Variants in EXD1 observed in about 807,000 individuals in gnomAD.
The protein encoded by EXD1 is piRNA biogenesis protein EXD1.
Under a neutral mutation model 49.1 loss-of-function variants are expected in EXD1, and 63 were observed. The observed-to-expected ratio is 1.28, with a 90% CI of 1.05 to 1.58. The LOEUF (loss-of-function observed/expected upper bound fraction) is 1.58, where lower values mean the gene tolerates loss of function less well. Among genes scored for constraint, EXD1 ranks in the 40% most tolerant of loss-of-function variants. The pLI is 0.00. For missense variants in EXD1, 748 were observed against 666.0 expected, an observed-to-expected ratio of 1.12 and a Z score of -1.36; for synonymous variants, 234 against 239.2, an observed-to-expected ratio of 0.98 and a Z score of 0.20.
At chr15:41,226,299 G>C in intron 2 of EXD1, 144 bp downstream of exon 2, 2 of 801,330 alleles carry the variant, frequency 2.5e-6, no homozygotes, top group South Asian at 3.8e-5. Context: ...ACATTGTTCT[G>C]TTTGGGAAAA....
chr15:41,207,615 T>A (rs1266101779), intron 7 of EXD1, among the ~76,000 whole-genome samples: 4 of 151,752 alleles, frequency 2.6e-5, no homozygotes, highest in African/African-American at 9.7e-5. Flanking sequence ...TCTCTTAAAT[T>A]TGATTTTTTT....
intron 2 of EXD1, 39 bp downstream of exon 2, chr15:41,226,404 C>A: frequency 6.6e-7 from 1 of 1,524,304 alleles, no homozygotes; most frequent in Non-Finnish European, 8.8e-7. Context: ...AATCACTAAT[C>A]TCTTAAAAGG....
intron 6 of EXD1, among the ~76,000 whole-genome samples, chr15:41,210,545 C>A (rs2046906086): frequency 2.0e-5 from 3 of 152,052 alleles, no homozygotes; most frequent in Admixed American, 6.6e-5. Context: ...ATTATCCAGG[C>A]ATGGTGGTGC....
rs1034378251 is a variant in EXD1 at position 41,219,818 on chromosome 15, T to C, written c.202+12A>G. 6.5e-6 allele frequency: 10 copies of C among 1,533,104 alleles called. No individual in the cohort carries two copies. The South Asian group carries it at 1.1e-4, about 16-fold the overall frequency. 95.0% of individuals were successfully genotyped at this position (1,533,104 alleles called of 1,614,324 possible). A position where few individuals can be genotyped will look rare whatever the true frequency, so the allele number is the denominator to read the frequency against. On this transcript the variant is annotated intron_variant, in intron 3 of 11. Transcript: ENST00000458580. ...TCAGTACTAGCATTTTCAAGGAACATGGGGGTCTCACCATTCACAATCTCA... is the reference window on the plus strand; with the variant it reads ...TCAGTACTAGCATTTTCAAGGAACACGGGGGTCTCACCATTCACAATCTCA...
intron 6 of EXD1, among the ~76,000 whole-genome samples, chr15:41,212,875 C>T (rs1176647161): frequency 6.6e-6 from 1 of 151,906 alleles, no homozygotes; most frequent in Non-Finnish European, 1.5e-5. Flanking sequence ...GTTGTCTCTA[C>T]AAAAAATATA....
chr15:41,220,841 A>G (rs2047077413), intron 2 of EXD1, among the ~76,000 whole-genome samples: 1 of 152,140 alleles, frequency 6.6e-6, no homozygotes, highest in African/African-American at 2.4e-5. Context: ...CCAACAACTT[A>G]TTTGTCACAT....
In EXD1 at chr15:41,230,474, C is replaced by T. The variant is rs376488821; in HGVS notation, c.-54+5G>A. 19 of 1,612,510 alleles carry T rather than the reference C, an allele frequency of 1.2e-5. No individual in the cohort carries two copies. In the African/African-American group the frequency reaches 2.1e-4, roughly 18 times the overall value. On this transcript the variant is annotated splice_donor_5th_base_variant and intron_variant, in intron 1 of 11. Coordinates refer to ENST00000458580, the MANE Select transcript of EXD1 (RefSeq NM_001286441.2). Reference sequence around the variant, plus strand: ...AAAATAAGGAACTTCAAATAAATGGCGGACCATAAGCTAGGAATTCACTGT... The same window carrying T: ...AAAATAAGGAACTTCAAATAAATGGTGGACCATAAGCTAGGAATTCACTGT...
intron 7 of EXD1, among the ~76,000 whole-genome samples, chr15:41,198,335 G>A (rs984361246): frequency 2.9e-4 from 44 of 152,152 alleles, no homozygotes; most frequent in African/African-American, 1.0e-3. Context: ...TGAAGGGTAA[G>A]TTGATCACGA....
rs2046373516 is a variant in EXD1, at chr15:41,184,474, C to T, written c.1176G>A (p.Val392=). 1.2e-6 allele frequency: 2 copies of T among 1,614,074 alleles called. No individual in the cohort carries two copies. Among genetic ancestry groups the T allele is most frequent in the African/African-American group, 2.7e-5 (2 of 74,926 alleles). ...CTGTCACTAATTTCTTTGGCTGTAG[C>T]ACTGTCCTTATCAGGAGTCCCTGTG... ...VNAQGLLIRT[V]LQPKKLVTET... is the part of the protein sequence containing the mutation. Residue 392 remains valine (V), a synonymous_variant, in exon 12 of 12, where the codon GTG becomes GTA. Coordinates refer to ENST00000458580, the MANE Select transcript of EXD1 (RefSeq NM_001286441.2).
Position 41,199,728 on chromosome 15 carries a change from ATGATATATATG to A in EXD1, c.535-3702_535-3692del, listed in dbSNP as rs2046683199. ...ATATCATATATATGATATATTATATATGATATATATGTCATATATTATATATGATACATATA... is the reference window on the plus strand; with the variant it reads ...ATATCATATATATGATATATTATATATCATATATTATATATGATACATATA... On this transcript the variant is annotated intron_variant, in intron 7 of 11. Coordinates refer to ENST00000458580, the MANE Select transcript of EXD1 (RefSeq NM_001286441.2). Among the ~76,000 whole-genome samples the A allele has an allele frequency of 2.0e-4, 6 of 30,430 alleles. 1 individual carries two copies. Among genetic ancestry groups the A allele is most frequent in the African/African-American group, 3.3e-4 (4 of 12,196 alleles). 20.0% of individuals were successfully genotyped at this position (30,430 alleles called of 152,430 possible). A position where few individuals can be genotyped will look rare whatever the true frequency, so the allele number is the denominator to read the frequency against.
chr15:41,219,818 TG>T lies in EXD1; in HGVS notation c.202+11del, dbSNP rs2140900596. The T allele has an allele frequency of 6.5e-7, 1 of 1,533,220 alleles. No homozygotes were observed. Among genetic ancestry groups the T allele is most frequent in the Non-Finnish European group, 8.7e-7 (1 of 1,144,574 alleles). The allele number at this position is 1,533,220 out of a possible 1,614,324, so 95.0% of individuals were successfully genotyped here. A position where few individuals can be genotyped will look rare whatever the true frequency, so the allele number is the denominator to read the frequency against. ...TCAGTACTAGCATTTTCAAGGAACA[TG>T]GGGGTCTCACCATTCACAATCTCAT... On this transcript the variant is annotated intron_variant, in intron 3 of 11. Coordinates refer to ENST00000458580, the MANE Select transcript of EXD1 (RefSeq NM_001286441.2).
chr15:41,211,236 C>T (rs145047120), intron 6 of EXD1, among the ~76,000 whole-genome samples: 4 of 151,910 alleles, frequency 2.6e-5, no homozygotes, highest in African/African-American at 9.7e-5. Flanking sequence ...CTCAGCCTCC[C>T]GGGTAGCTGA....
At chr15:41,220,806 A>G (rs2047076710) in intron 2 of EXD1, among the ~76,000 whole-genome samples, 1 of 152,178 alleles carries the variant, frequency 6.6e-6, no homozygotes, top group Non-Finnish European at 1.5e-5. Context: ...TCCACTGAAT[A>G]TATTCCTACT....
chr15:41,195,822 G>C lies in EXD1; in HGVS notation c.673C>G (p.Leu225Val), dbSNP rs748704090. 30 of 1,613,538 alleles carry C rather than the reference G, an allele frequency of 1.9e-5. No individual in the cohort carries two copies. The Admixed American group carries it at 4.8e-4, about 26-fold the overall frequency. Residue 225 changes from leucine to valine, a missense_variant, in exon 9 of 12, where the codon CTC becomes GTC. Coordinates refer to ENST00000458580, the MANE Select transcript of EXD1 (RefSeq NM_001286441.2). The part of the protein sequence containing the change: ...IHDCRWLSDC[L>V]SHQYGILLNN... ...AGCAAAATTCCATACTGATGAGAGAGGCAATCAGAAAGCCAACGACAATCA... is the reference window on the plus strand; with the variant it reads ...AGCAAAATTCCATACTGATGAGAGACGCAATCAGAAAGCCAACGACAATCA...
chr15:41,201,828 C>G (rs2046733431), intron 7 of EXD1, among the ~76,000 whole-genome samples: 1 of 151,952 alleles, frequency 6.6e-6, no homozygotes, highest in African/African-American at 2.4e-5. Context: ...AGCAGCATAG[C>G]TGGATGATCT....
At chr15:41,201,485 ATTTTT>A (rs10618622) in intron 7 of EXD1, among the ~76,000 whole-genome samples, 3 of 89,186 alleles carry the variant, frequency 3.4e-5, no homozygotes, top group South Asian at 4.1e-4. Context: ...AGAATTCTAG[ATTTTT>A]TTTTTTTTTT....
intron 2 of EXD1, 133 bp from the exon 3 acceptor site, chr15:41,220,031 C>A: frequency 1.5e-6 from 1 of 656,952 alleles, no homozygotes; most frequent in East Asian, 2.8e-5. Flanking sequence ...ATATCCAAAT[C>A]TTCCCCCAAG....
At chr15:41,186,751 A>G (rs887765419) in intron 11 of EXD1, among the ~76,000 whole-genome samples, 11 of 151,934 alleles carry the variant, frequency 7.2e-5, no homozygotes, top group Non-Finnish European at 1.6e-4. Context: ...CATATAAGGG[A>G]CATACATTTC....
At chr15:41,199,764 A>ATGTGATATATAATATATCATATATG (rs1269494361) in intron 7 of EXD1, among the ~76,000 whole-genome samples, 2 of 21,154 alleles carry the variant, frequency 9.5e-5, no homozygotes, top group Non-Finnish European at 2.0e-4. Context: ...TGATACATAT[A>ATGTGATATATAATATATCATATATG]TGATATATAT....
Sources: gnomAD v4.1 joint callset for allele counts (sites outside exome capture counted in the v4.1 genomes callset) on GRCh38, gnomAD v4.1.1 for gene constraint, MANE v1.5 for transcripts, NCBI Gene and HGNC (gene_info 2026-07-23, HGNC 2026-07-21) for gene names.